The following FGGY variants were observed in gnomAD, a reference collection of about 807,000 sequenced individuals.
The protein encoded by FGGY is FGGY carbohydrate kinase domain containing, also known as FGGY carbohydrate kinase domain-containing protein.
Under a neutral mutation model 71.3 loss-of-function variants are expected in FGGY, and 72 were observed. The observed-to-expected ratio is 1.01, with a 90% CI of 0.84 to 1.23. The LOEUF is 1.23. Ranked by LOEUF, FGGY falls within the 50% of genes most tolerant of loss-of-function variation. FGGY has a pLI of 0.00. For synonymous variants in FGGY, 251 were observed against 250.3 expected, an observed-to-expected ratio of 1.00 and a Z score of -0.02; for missense variants, 668 against 682.3, an observed-to-expected ratio of 0.98 and a Z score of 0.23.
intron 4 of FGGY, among the ~76,000 whole-genome samples, chr1:59,363,211 A>T (rs2055937696): frequency 1.3e-5 from 2 of 152,276 alleles, no homozygotes; most frequent in South Asian, 4.1e-4. Context: ...ACAAAGTGAG[A>T]CTCATAGACA....
At chr1:59,433,704 G>C (rs1019052975) in intron 5 of FGGY, among the ~76,000 whole-genome samples, 2 of 152,130 alleles carry the variant, frequency 1.3e-5, no homozygotes, top group African/African-American at 4.8e-5. Flanking sequence ...GACACATAGA[G>C]CCCAATGAGA....
intron 14 of FGGY, among the ~76,000 whole-genome samples, chr1:59,729,631 T>C (rs2097998794): frequency 6.6e-6 from 1 of 152,346 alleles, no homozygotes; most frequent in Admixed American, 6.5e-5. Flanking sequence ...CCTCCTTAGA[T>C]AGAGTCTATG....
At chr1:59,341,509 A>T (rs1328076819) in intron 3 of FGGY, among the ~76,000 whole-genome samples, 3 of 152,236 alleles carry the variant, frequency 2.0e-5, no homozygotes, top group African/African-American at 7.2e-5. Context: ...TTTTCTGCAC[A>T]GACACACACA....
intron 7 of FGGY, among the ~76,000 whole-genome samples, chr1:59,517,500 C>T (rs1029400066): frequency 9.9e-5 from 15 of 151,930 alleles, no homozygotes; most frequent in Non-Finnish European, 1.8e-4. Context: ...CTCCTGACCT[C>T]GTGATCCGCC....
Position 59,532,729 on chromosome 1 carries a change from A to G in FGGY, c.799+20290A>G, listed in dbSNP as rs57425969. On this transcript the variant is annotated intron_variant, in intron 7 of 15. Coordinates refer to ENST00000303721, the MANE Select transcript of FGGY (RefSeq NM_018291.5). The stretch of plus-strand genomic sequence containing the variant: ...TCATACTTAATGGTGAAATATTACA[A>G]TGTTCCAATTCTTACCACGTTTATT... 5.3e-4 allele frequency among the ~76,000 whole-genome samples: 81 copies of G among 152,280 alleles called. 1 individual carries two copies. The highest frequency in any genetic ancestry group is 4.6e-3 in the South Asian group (22 of 4,820).
chr1:59,388,699 T>C (rs1037225431), intron 5 of FGGY, among the ~76,000 whole-genome samples: 1 of 152,186 alleles, frequency 6.6e-6, no homozygotes, highest in Non-Finnish European at 1.5e-5. Flanking sequence ...ATTCACATAC[T>C]ATATGATTCA....
At chr1:59,346,490 G>T in intron 4 of FGGY, 92 bp downstream of exon 4, 1 of 1,420,154 alleles carries the variant, frequency 7.0e-7, no homozygotes, top group Non-Finnish European at 9.6e-7. Context: ...TGCTAAAATC[G>T]GTTATGTTTG....
intron 6 of FGGY, among the ~76,000 whole-genome samples, chr1:59,471,864 C>T (rs1347357803): frequency 6.6e-6 from 1 of 152,254 alleles, no homozygotes; most frequent in East Asian, 1.9e-4. Flanking sequence ...AGAAGCAGAG[C>T]AGGCAGTCAC....
At chr1:59,545,359 T>G (rs2095504901) in intron 7 of FGGY, among the ~76,000 whole-genome samples, 1 of 152,212 alleles carries the variant, frequency 6.6e-6, no homozygotes, top group African/African-American at 2.4e-5. Context: ...TCTCTTAATT[T>G]TTTTTTCTAT....
At chr1:59,429,864 T>A (rs901061267) in intron 5 of FGGY, among the ~76,000 whole-genome samples, 2 of 152,218 alleles carry the variant, frequency 1.3e-5, no homozygotes, top group African/African-American at 4.8e-5. Flanking sequence ...GCAGATTTTG[T>A]TACACCCTTC....
At chr1:59,725,977 T>C (rs995855450) in intron 14 of FGGY, among the ~76,000 whole-genome samples, 1 of 152,190 alleles carries the variant, frequency 6.6e-6, no homozygotes, top group Non-Finnish European at 1.5e-5. Context: ...AGAAAGGACA[T>C]TCTTGCTTTG....
intron 7 of FGGY, among the ~76,000 whole-genome samples, chr1:59,513,912 G>A (rs2094576681): frequency 6.6e-6 from 1 of 152,182 alleles, no homozygotes. Context: ...GGACATGTCT[G>A]TCCTGTTCAT....
At chr1:59,506,350 A>T (rs2094382015) in intron 6 of FGGY, among the ~76,000 whole-genome samples, 1 of 151,848 alleles carries the variant, frequency 6.6e-6, no homozygotes, top group Non-Finnish European at 1.5e-5. Context: ...TAAAAAAAAA[A>T]ATCACATGAT....
chr1:59,614,271 CCAG>C (rs1195378087), intron 9 of FGGY, among the ~76,000 whole-genome samples: 1 of 152,182 alleles, frequency 6.6e-6, no homozygotes, highest in African/African-American at 2.4e-5. Flanking sequence ...CAAACTGAAT[CCAG>C]CAGCACATCA....
intron 14 of FGGY, among the ~76,000 whole-genome samples, chr1:59,690,368 C>T (rs2097579081): frequency 6.6e-6 from 1 of 152,158 alleles, no homozygotes; most frequent in Non-Finnish European, 1.5e-5. Context: ...CCTGAATCAC[C>T]AAGAGGCCAC....
chr1:59,387,583 T>A (rs1041723328), intron 5 of FGGY, among the ~76,000 whole-genome samples: 21 of 152,038 alleles, frequency 1.4e-4, no homozygotes, highest in Admixed American at 3.9e-4. Flanking sequence ...GGTGAGAATT[T>A]AAAAAAAAAT....
intron 5 of FGGY, 28 bp from the exon 6 acceptor site, chr1:59,456,933 T>A: frequency 6.5e-7 from 1 of 1,541,522 alleles, no homozygotes; most frequent in South Asian, 1.1e-5. Flanking sequence ...TATGGTCAGT[T>A]CTATCTATAT....
chr1:59,569,391 G>A (rs188239349), intron 8 of FGGY, among the ~76,000 whole-genome samples: 3 of 152,276 alleles, frequency 2.0e-5, no homozygotes, highest in Admixed American at 2.0e-4. Context: ...GAGAGATGAT[G>A]GAATTGAGGT....
intron 2 of FGGY, among the ~76,000 whole-genome samples, chr1:59,323,527 T>A (rs1015576461): frequency 6.6e-6 from 1 of 152,158 alleles, no homozygotes; most frequent in African/African-American, 2.4e-5. Flanking sequence ...GTGTGAGGCT[T>A]AGGGAGGGAA....
Sources: gnomAD v4.1 joint callset for allele counts (sites outside exome capture counted in the v4.1 genomes callset) on GRCh38, gnomAD v4.1.1 for gene constraint, MANE v1.5 for transcripts, NCBI Gene and HGNC (gene_info 2026-07-23, HGNC 2026-07-21) for gene names.